Variants in XRCC4 observed in about 807,000 individuals in gnomAD.
The protein encoded by XRCC4 is X-ray repair cross complementing 4, also known as DNA repair protein XRCC4.
Under a neutral mutation model 39.1 loss-of-function variants are expected in XRCC4, and 28 were observed. The observed-to-expected ratio is 0.72, with a 90% confidence interval of 0.53 to 0.98. The LOEUF is 0.98. XRCC4 is among the 50% of genes least tolerant of loss of function. The pLI, the probability that XRCC4 is intolerant of heterozygous loss-of-function variation, is 0.00. For synonymous variants in XRCC4, 123 were observed against 126.4 expected, an observed-to-expected ratio of 0.97 and a Z score of 0.18; for missense variants, 350 against 376.4, an observed-to-expected ratio of 0.93 and a Z score of 0.58.
chr5:83,151,851 AC>A (rs1042116694), intron 3 of XRCC4, among the ~76,000 whole-genome samples: 3 of 152,204 alleles, frequency 2.0e-5, no homozygotes, highest in Non-Finnish European at 4.4e-5. Flanking sequence ...AGAAGGTTTA[AC>A]TTTTATTATA....
At chr5:83,239,308 G>A (rs1752812086) in intron 6 of XRCC4, among the ~76,000 whole-genome samples, 1 of 152,098 alleles carries the variant, frequency 6.6e-6, no homozygotes, top group Non-Finnish European at 1.5e-5. Flanking sequence ...GTCATAGATG[G>A]TACTCAATAT....
intron 1 of XRCC4, among the ~76,000 whole-genome samples, chr5:83,093,355 A>G (rs1252040555): frequency 6.6e-6 from 1 of 152,240 alleles, no homozygotes; most frequent in African/African-American, 2.4e-5. Context: ...CTGTAATACA[A>G]TAACAGTAGA....
chr5:83,156,988 C>T (rs149857599), intron 3 of XRCC4, among the ~76,000 whole-genome samples: 11 of 151,892 alleles, frequency 7.2e-5, no homozygotes, highest in Non-Finnish European at 1.5e-4. Flanking sequence ...CAGCTGTACA[C>T]CTAGTTCTCC....
chr5:83,305,427 A>G (rs1755445906), intron 7 of XRCC4, among the ~76,000 whole-genome samples: 1 of 152,140 alleles, frequency 6.6e-6, no homozygotes, highest in South Asian at 2.1e-4. Flanking sequence ...TCTTACCTGA[A>G]AAATTCAGAG....
chr5:83,361,762 T>C, the XRCC4 span, among the ~76,000 whole-genome samples: 1 of 151,896 alleles, frequency 6.6e-6, no homozygotes, highest in Non-Finnish European at 1.5e-5. Context: ...GCTGGAATTA[T>C]AGGCATCTGC....
intron 3 of XRCC4, among the ~76,000 whole-genome samples, chr5:83,165,558 A>G (rs1166702101): frequency 6.6e-6 from 1 of 152,076 alleles, no homozygotes; most frequent in Non-Finnish European, 1.5e-5. Context: ...GTTTTGTTGT[A>G]CAGATTATTT....
At chr5:83,245,505 A>G (rs558502587) in intron 6 of XRCC4, among the ~76,000 whole-genome samples, 1 of 152,198 alleles carries the variant, frequency 6.6e-6, no homozygotes, top group South Asian at 2.1e-4. Context: ...TATAATTGTT[A>G]TTGTCATATA....
chr5:83,253,138 A>G (rs2112880181), intron 6 of XRCC4, among the ~76,000 whole-genome samples: 1 of 152,316 alleles, frequency 6.6e-6, no homozygotes, highest in East Asian at 1.9e-4. Flanking sequence ...AAAGGAGTAG[A>G]GGGCATTCAA....
intron 7 of XRCC4, among the ~76,000 whole-genome samples, chr5:83,328,711 A>G (rs1055462820): frequency 6.6e-6 from 1 of 152,146 alleles, no homozygotes. Context: ...GAAGAAGAAT[A>G]AAGTGGGGAA....
At chr5:83,342,754 C>T (rs1756801351) in intron 7 of XRCC4, among the ~76,000 whole-genome samples, 1 of 152,078 alleles carries the variant, frequency 6.6e-6, no homozygotes, top group Non-Finnish European at 1.5e-5. Flanking sequence ...ATAAGGTCAA[C>T]TAGAAATTTG....
intron 1 of XRCC4, among the ~76,000 whole-genome samples, chr5:83,096,515 A>G (rs902429938): frequency 1.3e-5 from 2 of 152,088 alleles, no homozygotes; most frequent in Admixed American, 1.3e-4. Flanking sequence ...GTTTGAACCC[A>G]GGAGCCCAAT....
chr5:83,326,437 T>C (rs968065885), intron 7 of XRCC4, among the ~76,000 whole-genome samples: 1 of 152,066 alleles, frequency 6.6e-6, no homozygotes, highest in Non-Finnish European at 1.5e-5. Flanking sequence ...ATACCTAGTT[T>C]ATTGAGAGTT....
chr5:83,367,948 A>AC, the XRCC4 span, among the ~76,000 whole-genome samples: 1 of 151,960 alleles, frequency 6.6e-6, no homozygotes, highest in African/African-American at 2.4e-5. Context: ...AGCTCTGTAT[A>AC]CCATACACAG....
At chr5:83,256,199 G>A (rs1753533041) in intron 6 of XRCC4, among the ~76,000 whole-genome samples, 1 of 152,092 alleles carries the variant, frequency 6.6e-6, no homozygotes, top group Admixed American at 6.6e-5. Context: ...CCTGCTTCTG[G>A]CCGGTGCATT....
At chr5:83,217,358 C>CAAAAAAAAAAAAA (rs59416363) in intron 6 of XRCC4, among the ~76,000 whole-genome samples, 5 of 96,138 alleles carry the variant, frequency 5.2e-5, no homozygotes, top group African/African-American at 2.4e-4. Flanking sequence ...GACTCCGTCT[C>CAAAAAAAAAAAAA]AAAAAAAAAA....
At chr5:83,191,544 A>C (rs1750693873) in intron 3 of XRCC4, among the ~76,000 whole-genome samples, 2 of 152,156 alleles carry the variant, frequency 1.3e-5, no homozygotes, top group South Asian at 4.1e-4. Context: ...ATCTACTAAA[A>C]ATACAAAAAT....
At chr5:83,192,456 C>T (rs989040264) in intron 3 of XRCC4, among the ~76,000 whole-genome samples, 31 of 151,640 alleles carry the variant, frequency 2.0e-4, no homozygotes, top group Middle Eastern at 3.4e-3. Flanking sequence ...TACAGGCACA[C>T]GCCACCACGC....
intron 7 of XRCC4, among the ~76,000 whole-genome samples, chr5:83,331,980 A>G (rs1025433645): frequency 2.6e-5 from 4 of 152,098 alleles, no homozygotes; most frequent in African/African-American, 9.7e-5. Context: ...ACCTGTTACT[A>G]ATAAACCTGG....
chr5:83,360,508 T>C, the XRCC4 span, among the ~76,000 whole-genome samples: 1 of 152,182 alleles, frequency 6.6e-6, no homozygotes, highest in African/African-American at 2.4e-5. Context: ...ATTTGCTCTT[T>C]AATGCCAAAA....
Sources: allele counts gnomAD v4.1 joint callset (sites outside exome capture counted in the v4.1 genomes callset), GRCh38; gene constraint gnomAD v4.1.1; transcripts MANE v1.5; gene names NCBI Gene and HGNC (gene_info 2026-07-23, HGNC 2026-07-21).